The following HIP1 variants were observed in gnomAD, a reference collection of about 807,000 sequenced individuals.
HIP1 encodes huntingtin interacting protein 1.
Under a neutral mutation model 147.6 loss-of-function variants are expected in HIP1, and 65 were observed. The observed-to-expected ratio is 0.44, with a 90% CI of 0.36 to 0.54. HIP1 has a LOEUF of 0.54. Among genes scored for constraint, HIP1 ranks in the 20% least tolerant of loss-of-function variants. HIP1 has a pLI of 0.00. For synonymous variants in HIP1, 479 were observed against 504.0 expected (o/e 0.95, Z 0.67); for missense variants, 1,061 against 1,299.6 (o/e 0.82, Z 2.82).
intron 4 of HIP1, among the ~76,000 whole-genome samples, chr7:75,589,683 C>CA (rs1159535613): frequency 0.01 from 504 of 49,630 alleles, 20 homozygotes; most frequent in East Asian, 0.02. Flanking sequence ...ACTCTGTCTC[C>CA]AAAAAAAAAA....
chr7:75,554,599 G>A, intron 19 of HIP1, 73 bp from the exon 20 acceptor site: 1 of 1,072,594 alleles, frequency 9.3e-7, no homozygotes, highest in Non-Finnish European at 1.4e-6. Flanking sequence ...ATTAAGCACT[G>A]AATGGAGGAG....
At chr7:75,570,459 T>C (rs929530340) in intron 8 of HIP1, among the ~76,000 whole-genome samples, 3 of 147,788 alleles carry the variant, frequency 2.0e-5, no homozygotes, top group Non-Finnish European at 3.0e-5. Flanking sequence ...GCCCGGCTAA[T>C]TTTTTGTATT....
intron 2 of HIP1, among the ~76,000 whole-genome samples, chr7:75,595,613 G>A (rs1325059646): frequency 6.6e-6 from 1 of 151,966 alleles, no homozygotes; most frequent in Non-Finnish European, 1.5e-5. Flanking sequence ...CAAAGTTCTG[G>A]GATTACAGGT....
At chr7:75,730,662 C>T (rs1554522913) in intron 1 of HIP1, among the ~76,000 whole-genome samples, 1 of 151,436 alleles carries the variant, frequency 6.6e-6, no homozygotes, top group East Asian at 2.0e-4. Flanking sequence ...ATAATTCATA[C>T]ATGTGTTGCA....
At position 75,706,475 on chromosome 7, in the gene HIP1, TTTTTTTTA is replaced by T. The variant is rs1479222354; in HGVS notation, c.120+32318_120+32325del. Among the ~76,000 whole-genome samples the T allele has an allele frequency of 5.3e-4, 79 of 148,194 alleles. 2 individuals are homozygous for T. The South Asian group carries it at 8.9e-3, about 17-fold the overall frequency. ...TATTGGCCATTTGTATATATCTTCTTTTTTTTTATTTTTTTTTTATTTTTTTATTTTTT... is the reference window on the plus strand; with the variant it reads ...TATTGGCCATTTGTATATATCTTCTTTTTTTTTTTTATTTTTTTATTTTTT... On this transcript the variant is annotated intron_variant, in intron 1 of 30. Transcript: ENST00000336926.
intron 3 of HIP1, 95 bp downstream of exon 3, chr7:75,592,277 A>C: frequency 6.8e-7 from 1 of 1,463,836 alleles, no homozygotes; most frequent in Non-Finnish European, 9.4e-7. Flanking sequence ...AGAAGGGGGC[A>C]GTGTGGGAGA....
intron 17 of HIP1, 37 bp from the exon 18 acceptor site, chr7:75,556,206 G>A (rs1554493299): frequency 1.2e-6 from 2 of 1,608,454 alleles, no homozygotes; most frequent in Admixed American, 3.4e-5. Flanking sequence ...GGAGACGCTG[G>A]TTGAGTTAAA....
chr7:75,668,429 AT>A (rs1431969679), intron 1 of HIP1, among the ~76,000 whole-genome samples: 1 of 152,108 alleles, frequency 6.6e-6, no homozygotes, highest in Non-Finnish European at 1.5e-5. Context: ...GGTTCAAGTG[AT>A]TCTCCTGCTT....
In HIP1 at chr7:75,546,932, C is replaced by G. The variant is rs201975785; in HGVS notation, c.2559+7G>C. The G allele has an allele frequency of 1.1e-5, 17 of 1,556,770 alleles. No homozygotes were observed. The Admixed American group carries it at 2.7e-4, about 25-fold the overall frequency. The stretch of plus-strand genomic sequence containing the variant: ...TCTTCCTGCCCAGGGCCCACACCCA[C>G]GCTCACCCTGCCGCTCTCCACAATC... On this transcript the variant is annotated splice_region_variant and intron_variant, in intron 25 of 30. Coordinates refer to ENST00000336926, the MANE Select transcript of HIP1 (RefSeq NM_005338.7).
At chr7:75,595,243 TCTTTCTTTCTTC>T (rs200182663) in intron 2 of HIP1, among the ~76,000 whole-genome samples, 1,146 of 104,338 alleles carry the variant, frequency 0.011, 9 homozygotes, top group East Asian at 0.054. Context: ...TTTCTTTCTT[TCTTTCTTTCTTC>T]CTTCCTTCCT....
At chr7:75,630,337 T>C (rs1361679928) in intron 1 of HIP1, among the ~76,000 whole-genome samples, 1 of 151,582 alleles carries the variant, frequency 6.6e-6, no homozygotes, top group East Asian at 1.9e-4. Flanking sequence ...TGTGCACCTG[T>C]AGTCCCAACT....
intron 1 of HIP1, among the ~76,000 whole-genome samples, chr7:75,644,456 G>A (rs782134816): frequency 3.7e-4 from 56 of 151,914 alleles, no homozygotes; most frequent in Non-Finnish European, 5.9e-4. Flanking sequence ...CACCACGCTC[G>A]GCAAACTTTT....
chr7:75,570,229 G>A (rs1795569110), intron 8 of HIP1, among the ~76,000 whole-genome samples: 1 of 151,382 alleles, frequency 6.6e-6, no homozygotes, highest in Non-Finnish European at 1.5e-5. Flanking sequence ...ACCGTGCCCT[G>A]CCTTAAGTAC....
At chr7:75,597,624 C>T (rs1247504917) in intron 2 of HIP1, among the ~76,000 whole-genome samples, 4 of 151,172 alleles carry the variant, frequency 2.6e-5, no homozygotes, top group African/African-American at 9.7e-5. Context: ...CCTGTGGTCC[C>T]AGCTACTTGG....
At chr7:75,635,533 G>C (rs1023288088) in intron 1 of HIP1, among the ~76,000 whole-genome samples, 2 of 145,744 alleles carry the variant, frequency 1.4e-5, no homozygotes, top group East Asian at 4.1e-4. Flanking sequence ...AGCCGAGATC[G>C]TGCCACTGCA....
chr7:75,728,235 T>C (rs1222831279), intron 1 of HIP1, among the ~76,000 whole-genome samples: 1 of 152,202 alleles, frequency 6.6e-6, no homozygotes, highest in Non-Finnish European at 1.5e-5. Flanking sequence ...GCAACCTTTC[T>C]GATCCAAGAA....
rs558703038 is a variant in HIP1, at chr7:75,638,896, C to T, written c.121-39649G>A. Among the ~76,000 whole-genome samples the T allele has an allele frequency of 1.6e-4, 24 of 152,110 alleles. No homozygotes were observed. In the South Asian group the frequency reaches 5.0e-3, roughly 32 times the overall value. On this transcript the variant is annotated intron_variant, in intron 1 of 30. Coordinates refer to ENST00000336926, the MANE Select transcript of HIP1 (RefSeq NM_005338.7). ...CCGCCTCCAGAATCCTGGCCCGGCT[C>T]CCTCCTCCGGCACGCCTGGAGTTGG... is the stretch of plus-strand genomic sequence containing the variant.
intron 1 of HIP1, among the ~76,000 whole-genome samples, chr7:75,664,324 A>G (rs1335304293): frequency 1.4e-5 from 2 of 146,544 alleles, no homozygotes; most frequent in African/African-American, 5.0e-5. Flanking sequence ...GTATACATAC[A>G]CATGCATATA....
chr7:75,552,680 A>G (rs1410408421), intron 22 of HIP1, among the ~76,000 whole-genome samples: 2 of 151,982 alleles, frequency 1.3e-5, no homozygotes, highest in Non-Finnish European at 2.9e-5. Flanking sequence ...AAATGAATGA[A>G]CACAGTGTTA....
Sources: gnomAD v4.1 joint callset for allele counts (sites outside exome capture counted in the v4.1 genomes callset) on GRCh38, gnomAD v4.1.1 for gene constraint, MANE v1.5 for transcripts, NCBI Gene and HGNC (gene_info 2026-07-23, HGNC 2026-07-21) for gene names.